Variants in OTOGL observed in about 807,000 individuals in gnomAD.
OTOGL encodes the protein otogelin like.
In OTOGL, 285 loss-of-function variants were observed where a neutral mutation model predicts 318.5. The observed-to-expected ratio is 0.89, with a 90% CI of 0.81 to 0.99. The LOEUF (loss-of-function observed/expected upper bound fraction) is 0.99, where lower values mean the gene tolerates loss of function less well. OTOGL is among the 50% of genes least tolerant of loss of function. The pLI is 0.00. For missense variants in OTOGL, 2,899 were observed against 2,845.6 expected (o/e 1.02, Z -0.43); for synonymous variants, 987 against 936.5 (o/e 1.05, Z -0.99).
chr12:80,189,361 G>A, intron 1 of OTOGL: 1 of 855,390 alleles, frequency 1.2e-6, no homozygotes, highest in Non-Finnish European at 1.4e-6. Flanking sequence ...TATCAAGCAT[G>A]CCTCTGAGTA....
In OTOGL at chr12:80,302,646, T is replaced by C. The variant is rs1028905396; in HGVS notation, c.3076T>C (p.Phe1026Leu). 7.3e-7 allele frequency: 1 copy of C among 1,374,658 alleles called. No individual in the cohort carries two copies. Among genetic ancestry groups the C allele is most frequent in the African/African-American group, 1.5e-5 (1 of 67,604 alleles). 85.2% of individuals were successfully genotyped at this position (1,374,658 alleles called of 1,614,324 possible). A position where few individuals can be genotyped will look rare whatever the true frequency, so the allele number is the denominator to read the frequency against. ...DTPYKQKQSG[F>L]FLENKSTYQL... ...TTTTGTTTTTAAGAAACAATCAGGTTTTTTTCTGGAAAACAAATCTACCTA... is the reference window on the plus strand; with the variant it reads ...TTTTGTTTTTAAGAAACAATCAGGTCTTTTTCTGGAAAACAAATCTACCTA... Residue 1026 changes from phenylalanine to leucine, a missense_variant, in exon 28 of 59, where the codon TTT becomes CTT. By Grantham distance (22) the Phe-to-Leu change is conservative (BLOSUM62 0). Around this residue, in one of 3 missense-constraint regions of OTOGL, gnomAD observed 2,607 missense variants for 2,524.9 expected, o/e 1.03. Coordinates refer to ENST00000547103, the MANE Select transcript of OTOGL (RefSeq NM_001378609.3).
chr12:80,157,006 G>A (rs1004771183), intron 1 of OTOGL, among the ~76,000 whole-genome samples: 3 of 152,056 alleles, frequency 2.0e-5, no homozygotes, highest in Non-Finnish European at 4.4e-5. Flanking sequence ...GTTTTTCAAG[G>A]AACCTCCAAA....
At chr12:80,115,959 C>G (rs1870133878) in intron 1 of OTOGL, among the ~76,000 whole-genome samples, 2 of 152,166 alleles carry the variant, frequency 1.3e-5, no homozygotes, top group Admixed American at 6.5e-5. Flanking sequence ...GCGAGAATTT[C>G]AAGCCAGTGG....
chr12:80,344,890 G>A (rs1046823704), intron 44 of OTOGL, among the ~76,000 whole-genome samples: 4 of 149,718 alleles, frequency 2.7e-5, no homozygotes, highest in Non-Finnish European at 5.9e-5. Context: ...TTTTTTAAGT[G>A]TTATAGTTTG....
intron 34 of OTOGL, among the ~76,000 whole-genome samples, chr12:80,321,172 T>A (rs982410841): frequency 6.6e-6 from 1 of 152,172 alleles, no homozygotes; most frequent in African/African-American, 2.4e-5. Flanking sequence ...TCTAGAAGAT[T>A]TCTCTAGTTC....
In OTOGL at chr12:80,367,578, G is replaced by A. The variant is rs769407308; in HGVS notation, c.6349G>A (p.Val2117Ile). 6.5e-6 allele frequency: 10 copies of A among 1,532,990 alleles called. No homozygotes were observed. In the African/African-American group the frequency reaches 1.2e-4, roughly 19 times the overall value. 95.0% of individuals were successfully genotyped at this position (1,532,990 alleles called of 1,614,324 possible). Residue 2117 changes from valine (V) to isoleucine (I), a missense_variant, in exon 54 of 59, where the codon GTA becomes ATA. Physicochemically the swap from Val to Ile is conservative, Grantham distance 29. This residue lies in a region of OTOGL where 289 missense variants were observed against 304.6 expected (regional missense o/e 0.95). Transcript: ENST00000547103. ...GTTCTTAGAAAAGGATGATGTGTGT[G>A]TATTTCAAGAAGTATCAGTATTGAA... Reference protein sequence around the residue: ...QYLCEKDDVCVFQEVSVLNPG... With the variant: ...QYLCEKDDVCIFQEVSVLNPG...
rs953464951 is a variant in OTOGL at position 80,378,272 on chromosome 12, G to A, written c.*224G>A. 1.2e-5 allele frequency: 5 copies of A among 430,820 alleles called. No homozygotes were observed. Among genetic ancestry groups the A allele is most frequent in the Non-Finnish European group, 2.1e-5 (5 of 242,362 alleles). The allele number at this position is 430,820 out of a possible 1,614,324, so 26.7% of individuals were successfully genotyped here. On this transcript the variant is annotated 3_prime_UTR_variant, in exon 59 of 59. Transcript: ENST00000547103. ...TTAGAAAATCAAATGACTGTAAGTT[G>A]TTCAGCTGAAATGCTGTTATGTATT...
chr12:80,174,599 T>C (rs575102753), intron 1 of OTOGL, among the ~76,000 whole-genome samples: 1 of 152,304 alleles, frequency 6.6e-6, no homozygotes, highest in East Asian at 1.9e-4. Context: ...AATTTAATAT[T>C]GTAAAAGAAA....
intron 20 of OTOGL, chr12:80,266,015 G>A (rs55738153): frequency 0.1 from 16,119 of 154,124 alleles, 956 homozygotes; most frequent in Middle Eastern, 0.16. Flanking sequence ...TATACTATGA[G>A]CCAGTTTCTT....
In OTOGL at chr12:80,229,240, G is replaced by A. The variant is rs1267571772; in HGVS notation, c.490-17G>A. 2 of 1,590,296 alleles carry A rather than the reference G, an allele frequency of 1.3e-6. No homozygotes were observed. Among genetic ancestry groups the A allele is most frequent in the Admixed American group, 1.7e-5 (1 of 58,970 alleles). On this transcript the variant is annotated splice_polypyrimidine_tract_variant and intron_variant, in intron 7 of 58. Transcript: ENST00000547103. ...TTGTTTGTTCCTATGCTTTCTTTTT[G>A]TTTTTCTCCCTTTAAGGTTCATAAC...
At chr12:80,133,933 TCAAAAACAAAAA>T (rs915932632) in intron 1 of OTOGL, among the ~76,000 whole-genome samples, 2 of 151,580 alleles carry the variant, frequency 1.3e-5, no homozygotes, top group Admixed American at 6.6e-5. Context: ...AGACTCTGTC[TCAAAAACAAAAA>T]CAAAAACAAA....
At chr12:80,241,825 T>G (rs955824014) in intron 11 of OTOGL, among the ~76,000 whole-genome samples, 4 of 152,188 alleles carry the variant, frequency 2.6e-5, no homozygotes, top group Admixed American at 2.6e-4. Flanking sequence ...TCCATGAGTT[T>G]TCCAGTGACT....
At chr12:80,242,912 C>T (rs1333266329) in intron 11 of OTOGL, among the ~76,000 whole-genome samples, 1 of 152,080 alleles carries the variant, frequency 6.6e-6, no homozygotes, top group Non-Finnish European at 1.5e-5. Context: ...GTGTGATACT[C>T]CACCAATCCT....
intron 11 of OTOGL, among the ~76,000 whole-genome samples, chr12:80,240,501 C>T (rs938432072): frequency 2.6e-5 from 4 of 152,152 alleles, no homozygotes; most frequent in South Asian, 2.1e-4. Context: ...GCTTTTAACA[C>T]GCATTTCAAA....
At chr12:80,141,776 A>G (rs1057145794) in intron 1 of OTOGL, among the ~76,000 whole-genome samples, 5 of 152,198 alleles carry the variant, frequency 3.3e-5, no homozygotes, top group Admixed American at 2.0e-4. Context: ...AGTTGCTTAT[A>G]TTTTACAGGG....
In OTOGL at chr12:80,265,037, A is replaced by G. The variant is rs201528074; in HGVS notation, c.2051A>G (p.Glu684Gly). 4.3e-6 allele frequency: 7 copies of G among 1,613,900 alleles called. No homozygotes were observed. The highest frequency in any genetic ancestry group is 5.9e-6 in the Non-Finnish European group (7 of 1,179,850). ...GCACACTGTGATGTCATCCACCAGG[A>G]GCTCTTTGCTCCTTGCCACATCTAT... ...YAAHCDVIHQ[E>G]LFAPCHIYIS... The change falls in exon 20 of 59, where the codon GAG becomes GGG. Residue 684 changes from glutamate to glycine, a missense_variant. By Grantham distance (98) the Glu-to-Gly change is moderately conservative. This residue lies in a region of OTOGL where 2,607 missense variants were observed against 2,524.9 expected (regional missense o/e 1.03). Transcript: ENST00000547103.
rs750334675 is a variant in OTOGL at position 80,314,312 on chromosome 12, T to C, written c.3615T>C (p.Asp1205=). ...ATTCTTTTTTTCTTTTAGCACTTGATTGTGAATACTACAATGAAGGTATGT... is the reference window on the plus strand; with the variant it reads ...ATTCTTTTTTTCTTTTAGCACTTGACTGTGAATACTACAATGAAGGTATGT... ...HWRSSTVCSL[D]CEYYNEGLGE... Residue 1205 remains aspartate (D), a synonymous_variant, in exon 32 of 59, where the codon GAT becomes GAC. Transcript: ENST00000547103. 4.8e-6 allele frequency: 5 copies of C among 1,047,636 alleles called. No individual in the cohort carries two copies. In the Admixed American group the frequency reaches 1.7e-4, roughly 36 times the overall value. 64.9% of individuals were successfully genotyped at this position (1,047,636 alleles called of 1,614,324 possible). A position where few individuals can be genotyped will look rare whatever the true frequency, so the allele number is the denominator to read the frequency against.
In OTOGL at chr12:80,360,844, T is replaced by A. The variant is rs1566014788; in HGVS notation, c.6267+1944T>A. ...TACAATCTTTGTGTTTAATTTTATT[T>A]TTTATTTATTTATTTTTAAAATGGA... On this transcript the variant is annotated intron_variant, in intron 52 of 58. Transcript: ENST00000547103. Among the ~76,000 whole-genome samples, 5 of 152,190 alleles carry A rather than the reference T, an allele frequency of 3.3e-5. No homozygotes were observed. The South Asian group carries it at 6.2e-4, about 19-fold the overall frequency.
chr12:80,328,672 G>A lies in OTOGL; in HGVS notation c.4207G>A (p.Gly1403Arg), dbSNP rs1424927334. 6.3e-7 allele frequency: 1 copy of A among 1,598,552 alleles called. No homozygotes were observed. Among genetic ancestry groups the A allele is most frequent in the South Asian group, 1.1e-5 (1 of 90,526 alleles). ...TCTTTTTTCCATGTAAAGGGTTGAA[G>A]GATGCTTGCCCTACTGCCCTAAAAA... ...LACKFLPPVE[G>R]CLPYCPKNMI... is the part of the protein sequence containing the mutation. The change falls in exon 36 of 59, where the codon GGA becomes AGA. Residue 1403 changes from glycine (G) to arginine (R), a missense_variant. Around this residue, in one of 3 missense-constraint regions of OTOGL, gnomAD observed 2,607 missense variants for 2,524.9 expected, o/e 1.03. Coordinates refer to ENST00000547103, the MANE Select transcript of OTOGL (RefSeq NM_001378609.3).
Sources: allele counts gnomAD v4.1 joint callset (sites outside exome capture counted in the v4.1 genomes callset), GRCh38; gene constraint gnomAD v4.1.1; regional missense constraint gnomAD v4.1.1; transcripts MANE v1.5; gene names NCBI Gene and HGNC (gene_info 2026-07-23, HGNC 2026-07-21).